MAP2K6: variants seen among roughly 807,000 people sequenced by gnomAD.
MAP2K6 encodes the protein mitogen-activated protein kinase kinase 6.
A neutral mutation model predicts 53.7 loss-of-function variants in MAP2K6; 16 were observed. That is an observed-to-expected ratio of 0.30 (90% CI 0.20 to 0.45). The LOEUF is 0.45. Among genes scored for constraint, MAP2K6 ranks in the 20% least tolerant of loss-of-function variants. The pLI is 1.00. For synonymous variants in MAP2K6, 132 were observed against 143.1 expected (o/e 0.92, Z 0.55); for missense variants, 204 against 411.9 (o/e 0.50, Z 4.37).
chr17:69,519,794 A>G (rs1192326009), intron 5 of MAP2K6: 4 of 229,768 alleles, frequency 1.7e-5, no homozygotes, highest in Non-Finnish European at 2.5e-5. Flanking sequence ...CTTGTGTACT[A>G]TATAGACTTA....
At chr17:69,517,642 A>C in intron 4 of MAP2K6, 29 bp downstream of exon 4, 1 of 1,513,946 alleles carries the variant, frequency 6.6e-7, no homozygotes, top group Non-Finnish European at 9.0e-7. Context: ...CAAATGTTTT[A>C]TATCTGCTGT....
intron 1 of MAP2K6, among the ~76,000 whole-genome samples, chr17:69,437,698 A>T (rs1906693512): frequency 6.6e-6 from 1 of 152,162 alleles, no homozygotes; most frequent in South Asian, 2.1e-4. Flanking sequence ...TATCATCATC[A>T]CAGAAGGAAG....
chr17:69,530,818 A>G (rs1911043617), intron 10 of MAP2K6, among the ~76,000 whole-genome samples: 1 of 152,282 alleles, frequency 6.6e-6, no homozygotes, highest in African/African-American at 2.4e-5. Flanking sequence ...ATATTAATAT[A>G]TGGGTACATA....
chr17:69,447,757 G>A (rs1039147474), intron 1 of MAP2K6, among the ~76,000 whole-genome samples: 8 of 152,226 alleles, frequency 5.3e-5, no homozygotes, highest in Non-Finnish European at 7.3e-5. Flanking sequence ...GGCCATTGGG[G>A]CATTCAGAAG....
chr17:69,478,621 A>G (rs1039421758), intron 1 of MAP2K6, among the ~76,000 whole-genome samples: 2 of 151,978 alleles, frequency 1.3e-5, no homozygotes, highest in Admixed American at 6.6e-5. Context: ...TTTAGCAGAG[A>G]TGGGGTTTCA....
At chr17:69,460,010 C>T (rs1016573855) in intron 1 of MAP2K6, among the ~76,000 whole-genome samples, 5 of 140,122 alleles carry the variant, frequency 3.6e-5, no homozygotes, top group Non-Finnish European at 7.8e-5. Flanking sequence ...TTCTTCTTTC[C>T]TTTTTACCCT....
In MAP2K6 at chr17:69,490,002, A is replaced by C. The variant is rs563637836; in HGVS notation, c.17-15778A>C. 2.6e-5 allele frequency among the ~76,000 whole-genome samples: 4 copies of C among 152,360 alleles called. No homozygotes were observed. In the South Asian group the frequency reaches 6.2e-4, roughly 24 times the overall value. On this transcript the variant is annotated intron_variant, in intron 1 of 11. Transcript: ENST00000590474. ...AGAAACAGCCATGGGGCAAAGGATT[A>C]AACTGAGGTTTTCCAGGTTGCAGGA...
At chr17:69,530,096 A>C (rs1900449126) in intron 10 of MAP2K6, among the ~76,000 whole-genome samples, 2 of 152,154 alleles carry the variant, frequency 1.3e-5, no homozygotes, top group Non-Finnish European at 2.9e-5. Flanking sequence ...ATTTCTACTC[A>C]AGTAAGTCAG....
At chr17:69,490,686 A>G (rs1385285493) in intron 1 of MAP2K6, among the ~76,000 whole-genome samples, 3 of 152,168 alleles carry the variant, frequency 2.0e-5, no homozygotes, top group Non-Finnish European at 4.4e-5. Context: ...AATTACCACA[A>G]ACTTGGTGGT....
intron 10 of MAP2K6, among the ~76,000 whole-genome samples, chr17:69,534,220 TCTCAGCATCTAGGTAC>T (rs1319022644): frequency 6.6e-6 from 1 of 152,166 alleles, no homozygotes; most frequent in Non-Finnish European, 1.5e-5. Context: ...CCACGTAGAC[TCTCAGCATCTAGGTAC>T]CTACAAAACC....
At chr17:69,437,529 G>A (rs760047463) in intron 1 of MAP2K6, among the ~76,000 whole-genome samples, 1 of 152,154 alleles carries the variant, frequency 6.6e-6, no homozygotes, top group Non-Finnish European at 1.5e-5. Flanking sequence ...TCAAACCCCT[G>A]ATGTTCAAGG....
intron 1 of MAP2K6, among the ~76,000 whole-genome samples, chr17:69,493,972 G>A (rs923193425): frequency 3.3e-5 from 5 of 152,116 alleles, no homozygotes; most frequent in Non-Finnish European, 7.3e-5. Flanking sequence ...ATAAAATTAA[G>A]CAATTTAGCA....
chr17:69,451,158 G>A (rs930247660), intron 1 of MAP2K6, among the ~76,000 whole-genome samples: 7 of 152,200 alleles, frequency 4.6e-5, no homozygotes, highest in Non-Finnish European at 7.3e-5. Flanking sequence ...TAACAATAGC[G>A]AATGGTCAGG....
chr17:69,424,840 G>A (rs1906215975), intron 1 of MAP2K6, among the ~76,000 whole-genome samples: 1 of 152,130 alleles, frequency 6.6e-6, no homozygotes, highest in South Asian at 2.1e-4. Flanking sequence ...TGACTCTTAA[G>A]GTTGAGTTCC....
intron 1 of MAP2K6, among the ~76,000 whole-genome samples, chr17:69,427,707 G>A (rs184766891): frequency 9.2e-5 from 14 of 152,256 alleles, no homozygotes; most frequent in Middle Eastern, 6.8e-3. Context: ...TTGCTGTGTG[G>A]TTAAAGATAA....
intron 1 of MAP2K6, among the ~76,000 whole-genome samples, chr17:69,500,022 G>A (rs1909090753): frequency 6.6e-6 from 1 of 152,146 alleles, no homozygotes; most frequent in Non-Finnish European, 1.5e-5. Flanking sequence ...AATTTGGAAG[G>A]TTGAGTTCTT....
At chr17:69,442,070 G>T (rs992031063) in intron 1 of MAP2K6, among the ~76,000 whole-genome samples, 1 of 152,206 alleles carries the variant, frequency 6.6e-6, no homozygotes, top group Non-Finnish European at 1.5e-5. Flanking sequence ...CCTGTGGGGA[G>T]AGGAAGTAAC....
intron 1 of MAP2K6, among the ~76,000 whole-genome samples, chr17:69,484,013 G>A (rs1908436430): frequency 1.3e-5 from 2 of 152,078 alleles, no homozygotes; most frequent in Non-Finnish European, 2.9e-5. Context: ...GGTGTAAGTT[G>A]TCATAACCTT....
In MAP2K6 at chr17:69,535,122, T is replaced by G. The variant is rs189020113; in HGVS notation, c.882-993T>G. 9.9e-5 allele frequency among the ~76,000 whole-genome samples: 15 copies of G among 152,270 alleles called. No homozygotes were observed. In the East Asian group the frequency reaches 2.9e-3, roughly 29 times the overall value. The stretch of plus-strand genomic sequence containing the variant: ...CATTTATTGCCTCCGGTATCAAATG[T>G]TATTAAATGTCTGTGTCAATGGAGA... On this transcript the variant is annotated intron_variant, in intron 10 of 11. Coordinates refer to ENST00000590474, the MANE Select transcript of MAP2K6 (RefSeq NM_002758.4).
Sources: gnomAD v4.1 joint callset for allele counts (sites outside exome capture counted in the v4.1 genomes callset) on GRCh38, gnomAD v4.1.1 for gene constraint, MANE v1.5 for transcripts, NCBI Gene and HGNC (gene_info 2026-07-23, HGNC 2026-07-21) for gene names.